Variants in MYO5B observed in about 807,000 individuals in gnomAD.
MYO5B encodes unconventional myosin-Vb.
Under a neutral mutation model 229.3 loss-of-function variants are expected in MYO5B, and 143 were observed. That is an observed-to-expected ratio of 0.62 (90% CI 0.54 to 0.72). The LOEUF is 0.72. Ranked by LOEUF, MYO5B falls within the 30% of genes least tolerant of loss-of-function variation. The probability of loss-of-function intolerance (pLI) is 0.00; values close to 1 mark genes in which losing one functional copy is unlikely to be tolerated. For missense variants in MYO5B, 2,321 were observed against 2,331.0 expected (o/e 1.00, Z 0.09); for synonymous variants, 918 against 885.2 (o/e 1.04, Z -0.66).
chr18:49,916,269 T>C (rs747136556), intron 17 of MYO5B, among the ~76,000 whole-genome samples: 6 of 152,206 alleles, frequency 3.9e-5, no homozygotes, highest in Non-Finnish European at 8.8e-5. Flanking sequence ...AGGAAATTAC[T>C]AGAGTGAGGA....
chr18:49,839,225 G>T lies in MYO5B; in HGVS notation c.4771C>A (p.Arg1591Ser). ...CLKNFDLTEYRQVLSDLSIQI... is the reference protein window; with the variant it reads ...CLKNFDLTEYSQVLSDLSIQI... ...ATGGAAAGGTCACTCAGCACCTGAC[G>T]GTATTCGGTGAGGTCAAAATTCTTA... The change falls in exon 36 of 40, where the codon CGT (arginine) becomes AGT (serine). Residue 1591 changes from arginine to serine, a missense_variant. This residue lies in a region of MYO5B where 2,113 missense variants were observed against 2,044.7 expected (regional missense o/e 1.03). Coordinates refer to ENST00000285039, the MANE Select transcript of MYO5B (RefSeq NM_001080467.3). 1 of 1,614,098 alleles carries T rather than the reference G, an allele frequency of 6.2e-7. No individual in the cohort carries two copies. The highest frequency in any genetic ancestry group is 8.5e-7 in the Non-Finnish European group (1 of 1,179,982).
chr18:49,841,374 G>A lies in MYO5B; in HGVS notation c.4692C>T (p.Ser1564=), dbSNP rs772527535. The change falls in exon 35 of 40, where the codon AGC becomes AGT. Residue 1564 remains serine, a synonymous_variant. Coordinates refer to ENST00000285039, the MANE Select transcript of MYO5B (RefSeq NM_001080467.3). ...CRLLHCLKQY[S]GDEGFMTQNT... ...CTGGCTCCCCACTCACCTCATCCCC[G>A]CTGTACTGCTTCAGACAGTGAAGAA... is the stretch of plus-strand genomic sequence containing the variant. 2.7e-5 allele frequency: 43 copies of A among 1,613,936 alleles called. No individual in the cohort carries two copies. The highest frequency in any genetic ancestry group is 3.3e-5 in the South Asian group (3 of 91,080).
intron 4 of MYO5B, among the ~76,000 whole-genome samples, chr18:50,008,738 C>T (rs543116374): frequency 6.6e-6 from 1 of 152,256 alleles, no homozygotes; most frequent in Non-Finnish European, 1.5e-5. Context: ...ATCTCCAAAC[C>T]GGTCATGAAG....
chr18:49,994,057 C>T (rs1420162973), intron 5 of MYO5B, among the ~76,000 whole-genome samples: 3 of 152,264 alleles, frequency 2.0e-5, no homozygotes, highest in African/African-American at 7.2e-5. Flanking sequence ...TCTTTTCCCA[C>T]GGCTCTCTGC....
intron 12 of MYO5B, 22 bp from the exon 13 acceptor site, chr18:49,954,457 C>T (rs2025468967): frequency 6.2e-7 from 1 of 1,613,680 alleles, no homozygotes; most frequent in Admixed American, 1.7e-5. Flanking sequence ...CAAGATAGGG[C>T]AGAGCGCTTT....
At chr18:49,977,621 G>A (rs555593781) in intron 9 of MYO5B, among the ~76,000 whole-genome samples, 8 of 152,288 alleles carry the variant, frequency 5.3e-5, no homozygotes, top group African/African-American at 1.9e-4. Flanking sequence ...TCCAGCCGAG[G>A]AAGCCAGGCT....
intron 14 of MYO5B, among the ~76,000 whole-genome samples, chr18:49,945,092 G>C (rs1787539): frequency 6.6e-6 from 1 of 151,794 alleles, no homozygotes; most frequent in South Asian, 2.1e-4. Flanking sequence ...CCTGCCCGGC[G>C]CCCTTCCCAG....
chr18:49,844,391 C>T (rs539595272), intron 33 of MYO5B, among the ~76,000 whole-genome samples: 111 of 152,306 alleles, frequency 7.3e-4, no homozygotes, highest in African/African-American at 2.6e-3. Flanking sequence ...TTGTTCTTTA[C>T]ACTCATACCC....
chr18:50,150,710 C>T (rs1258774365), intron 1 of MYO5B, among the ~76,000 whole-genome samples: 1 of 152,140 alleles, frequency 6.6e-6, no homozygotes, highest in African/African-American at 2.4e-5. Context: ...GGAGGGATAG[C>T]ATTGGGAGAT....
rs974487033 is a variant in MYO5B, at chr18:49,984,129, C to A, written c.946+589G>T. Among the ~76,000 whole-genome samples, 9 of 152,198 alleles carry A rather than the reference C, an allele frequency of 5.9e-5. No homozygotes were observed. The South Asian group carries it at 8.3e-4, about 14-fold the overall frequency. ...ACCTTCTACTTTACCGCTTCTCCCC[C>A]AAAAGTGGCAGGGAAGCAGGGCAAT... On this transcript the variant is annotated intron_variant, in intron 8 of 39. Transcript: ENST00000285039.
chr18:49,841,401 G>A lies in MYO5B; in HGVS notation c.4665C>T (p.Arg1555=), dbSNP rs958140187. The change falls in exon 35 of 40, where the codon CGC becomes CGT. Residue 1555 remains arginine (R), a synonymous_variant. Coordinates refer to ENST00000285039, the MANE Select transcript of MYO5B (RefSeq NM_001080467.3). ...TGTACTGCTTCAGACAGTGAAGAAG[G>A]CGGCAGGTGTTGGATAACCAGAATG... ...MTSFWLSNTC[R]LLHCLKQYSG... The A allele has an allele frequency of 3.1e-6, 5 of 1,614,104 alleles. No homozygotes were observed. The highest frequency in any genetic ancestry group is 2.7e-5 in the African/African-American group (2 of 74,936).
intron 1 of MYO5B, among the ~76,000 whole-genome samples, chr18:50,137,641 A>C (rs1239235200): frequency 3.3e-5 from 5 of 152,236 alleles, no homozygotes; most frequent in Admixed American, 3.3e-4. Flanking sequence ...ATATATACCC[A>C]GAGGAATGTA....
At chr18:49,902,067 TACC>T (rs1271609490) in intron 21 of MYO5B, among the ~76,000 whole-genome samples, 1 of 152,228 alleles carries the variant, frequency 6.6e-6, no homozygotes, top group Non-Finnish European at 1.5e-5. Flanking sequence ...TGCAACAAGT[TACC>T]ACCAAGTTAT....
intron 29 of MYO5B, among the ~76,000 whole-genome samples, chr18:49,859,520 A>C (rs924064999): frequency 1.3e-5 from 2 of 152,204 alleles, no homozygotes; most frequent in African/African-American, 4.8e-5. Flanking sequence ...TTCATACCCA[A>C]GCTTTCTATT....
rs767058143 is a variant in MYO5B, at chr18:49,826,582, T to C, written c.5436A>G (p.Leu1812=). Residue 1812 remains leucine, a synonymous_variant, in exon 40 of 40, where the codon TTA becomes TTG. Coordinates refer to ENST00000285039, the MANE Select transcript of MYO5B (RefSeq NM_001080467.3). ...AAACAGGAAACATGTGCTTGGCATC[T>C]AATAGCAGTTGCTGAGGGTCATTCC... ...QERNDPQQLL[L]DAKHMFPVLF... 1.2e-6 allele frequency: 2 copies of C among 1,613,948 alleles called. No homozygotes were observed. Among genetic ancestry groups the C allele is most frequent in the South Asian group, 2.2e-5 (2 of 91,078 alleles).
intron 1 of MYO5B, among the ~76,000 whole-genome samples, chr18:50,095,695 T>C (rs1356127714): frequency 6.6e-6 from 1 of 152,210 alleles, no homozygotes; most frequent in Admixed American, 6.5e-5. Context: ...ACGAGACCCA[T>C]GCGCCTTGGG....
rs146806582 is a variant in MYO5B, at chr18:49,840,388, C to G, written c.4701+977G>C. The G allele has an allele frequency of 4.6e-5, 7 of 152,344 alleles. No homozygotes were observed. The East Asian group carries it at 1.3e-3, about 29-fold the overall frequency. 9.4% of individuals were successfully genotyped at this position (152,344 alleles called of 1,614,324 possible). On this transcript the variant is annotated intron_variant, in intron 35 of 39. Transcript: ENST00000285039. ...CAGGCCATCAAATGAAGTGCTGGTT[C>G]TTAGGAGAGAGATGGCGTCAAGCCA...
At chr18:49,871,637 T>A (rs760958622) in intron 27 of MYO5B, 1 of 200,610 alleles carries the variant, frequency 5.0e-6, no homozygotes, top group African/African-American at 2.3e-5. Flanking sequence ...GAACAGTCCA[T>A]TGAAATAACT....
intron 5 of MYO5B, among the ~76,000 whole-genome samples, chr18:49,999,810 G>T (rs777484605): frequency 3.9e-5 from 6 of 152,230 alleles, no homozygotes; most frequent in Non-Finnish European, 8.8e-5. Context: ...TTCTGAATGA[G>T]AAACTCTGGA....
Sources: allele counts gnomAD v4.1 joint callset (sites outside exome capture counted in the v4.1 genomes callset), GRCh38; gene constraint gnomAD v4.1.1; regional missense constraint gnomAD v4.1.1; transcripts MANE v1.5; gene names NCBI Gene and HGNC (gene_info 2026-07-23, HGNC 2026-07-21).